The following DPP6 variants were observed in gnomAD, a reference collection of about 807,000 sequenced individuals.
DPP6 encodes A-type potassium channel modulatory protein DPP6.
A neutral mutation model predicts 122.6 loss-of-function variants in DPP6; 69 were observed. The observed-to-expected ratio is 0.56, with a 90% CI of 0.46 to 0.69. The LOEUF is 0.69. DPP6 is among the 30% of genes least tolerant of loss of function. DPP6 has a pLI of 0.00. For missense variants in DPP6, 928 were observed against 1,116.9 expected, an observed-to-expected ratio of 0.83 and a Z score of 2.41; for synonymous variants, 418 against 433.1, an observed-to-expected ratio of 0.97 and a Z score of 0.43.
the DPP6 span, among the ~76,000 whole-genome samples, chr7:153,751,778 C>T: frequency 1.3e-5 from 2 of 151,098 alleles, no homozygotes; most frequent in Non-Finnish European, 2.9e-5. Flanking sequence ...AGTAAGGACA[C>T]CCAGTTGAGT....
intron 12 of DPP6, among the ~76,000 whole-genome samples, chr7:154,800,874 A>G (rs542392384): frequency 1.3e-5 from 2 of 152,378 alleles, no homozygotes; most frequent in East Asian, 3.9e-4. Flanking sequence ...TTGAAAGAAT[A>G]GATTTTGCTT....
intron 1 of DPP6, among the ~76,000 whole-genome samples, chr7:153,994,271 A>G (rs925487231): frequency 1.3e-5 from 2 of 151,750 alleles, no homozygotes; most frequent in Non-Finnish European, 2.9e-5. Context: ...CTCTCAAACC[A>G]TACCACGTAA....
At chr7:154,564,343 C>T (rs1055805599) in intron 4 of DPP6, among the ~76,000 whole-genome samples, 6 of 151,916 alleles carry the variant, frequency 3.9e-5, no homozygotes, top group South Asian at 2.1e-4. Flanking sequence ...TTGTCTAAAA[C>T]GTGGATAGTA....
chr7:154,383,641 G>A (rs1813823826), intron 1 of DPP6, among the ~76,000 whole-genome samples: 2 of 152,144 alleles, frequency 1.3e-5, no homozygotes, highest in Non-Finnish European at 2.9e-5. Flanking sequence ...TGTAATCCCA[G>A]CATTTTGGGA....
the DPP6 span, among the ~76,000 whole-genome samples, chr7:153,869,618 T>A: frequency 6.6e-6 from 1 of 152,202 alleles, no homozygotes; most frequent in East Asian, 1.9e-4. Context: ...TGCTAGTCTG[T>A]GTCTTTTAAT....
intron 1 of DPP6, among the ~76,000 whole-genome samples, chr7:154,394,952 G>A (rs1814953218): frequency 6.6e-6 from 1 of 152,198 alleles, no homozygotes; most frequent in South Asian, 2.1e-4. Flanking sequence ...GATAGAGATG[G>A]TGTTGAGTCT....
At chr7:154,203,089 T>G in intron 1 of DPP6, among the ~76,000 whole-genome samples, 1 of 152,184 alleles carries the variant, frequency 6.6e-6, no homozygotes, top group East Asian at 1.9e-4. Context: ...AAATTAAGAT[T>G]TTCCCACTCA....
intron 1 of DPP6, among the ~76,000 whole-genome samples, chr7:154,417,153 A>C (rs776432312): frequency 5.3e-5 from 8 of 152,322 alleles, no homozygotes; most frequent in Non-Finnish European, 8.8e-5. Flanking sequence ...TGTCTGGGCT[A>C]CTTGACTTTC....
chr7:154,258,947 A>G (rs1051519264), intron 1 of DPP6, among the ~76,000 whole-genome samples: 1 of 152,182 alleles, frequency 6.6e-6, no homozygotes, highest in African/African-American at 2.4e-5. Flanking sequence ...ACCTTGAAAA[A>G]AGCCCCAGAG....
chr7:153,810,061 GT>G, the DPP6 span, among the ~76,000 whole-genome samples: 1 of 152,244 alleles, frequency 6.6e-6, no homozygotes, highest in African/African-American at 2.4e-5. Flanking sequence ...TCAGGTCACT[GT>G]TTTGACAACA....
At chr7:154,678,597 G>T (rs58163911) in intron 7 of DPP6, among the ~76,000 whole-genome samples, 86 of 152,260 alleles carry the variant, frequency 5.6e-4, no homozygotes, top group African/African-American at 1.9e-3. Flanking sequence ...AACACTCACC[G>T]CGAGGGTCTG....
At chr7:154,470,162 C>G (rs1038632559) in intron 2 of DPP6, among the ~76,000 whole-genome samples, 3 of 152,190 alleles carry the variant, frequency 2.0e-5, no homozygotes, top group Admixed American at 2.0e-4. Context: ...CCTCCATAAC[C>G]CTTGTCTCCT....
At chr7:154,677,395 T>A (rs1415661150) in intron 7 of DPP6, among the ~76,000 whole-genome samples, 1 of 152,204 alleles carries the variant, frequency 6.6e-6, no homozygotes, top group Non-Finnish European at 1.5e-5. Flanking sequence ...TGAGGGGTTT[T>A]TTTTGCACTC....
chr7:154,580,084 C>T (rs775594073), intron 5 of DPP6, among the ~76,000 whole-genome samples: 12 of 151,670 alleles, frequency 7.9e-5, no homozygotes, highest in Non-Finnish European at 1.5e-4. Flanking sequence ...TAGGATGTAG[C>T]GGTGAATAAC....
At chr7:154,472,456 GAATC>G (rs55827958) in intron 2 of DPP6, among the ~76,000 whole-genome samples, 104,068 of 151,414 alleles carry the variant, frequency 0.69, 37,321 homozygotes, top group Non-Finnish European at 0.8. Flanking sequence ...AGTCCTCCTG[GAATC>G]AATCCCTCCC....
Position 154,180,721 on chromosome 7 carries a change from T to TA in DPP6, c.243+127665dup, listed in dbSNP as rs574908171. Reference sequence around the variant, plus strand: ...TATTCTAGGAATGACAATCTTTTTTTAAAAAAATTCTTGCTAGGAAGAAGT... The same window carrying TA: ...TATTCTAGGAATGACAATCTTTTTTTAAAAAAAATTCTTGCTAGGAAGAAGT... On this transcript the variant is annotated intron_variant, in intron 1 of 25. Transcript: ENST00000377770. Among the ~76,000 whole-genome samples, 67 of 152,016 alleles carry TA rather than the reference T, an allele frequency of 4.4e-4. 1 individual carries two copies. Among genetic ancestry groups the TA allele is most frequent in the African/African-American group, 1.5e-3 (61 of 41,502 alleles).
intron 1 of DPP6, among the ~76,000 whole-genome samples, chr7:154,087,034 A>C (rs1213290104): frequency 2.6e-5 from 4 of 152,144 alleles, no homozygotes; most frequent in Non-Finnish European, 5.9e-5. Flanking sequence ...GGCTGCTGAG[A>C]ATGAGGTGCA....
intron 3 of DPP6, among the ~76,000 whole-genome samples, chr7:154,536,832 G>A (rs1440086793): frequency 6.6e-6 from 1 of 152,150 alleles, no homozygotes; most frequent in Non-Finnish European, 1.5e-5. Flanking sequence ...ATCTTATAGA[G>A]CGAATAATGA....
chr7:154,813,568 G>A (rs1290861272), intron 16 of DPP6, among the ~76,000 whole-genome samples: 3 of 152,022 alleles, frequency 2.0e-5, no homozygotes, highest in Admixed American at 6.6e-5. Flanking sequence ...TAAAGGACAT[G>A]GGTTTCAGAT....
Sources: allele counts gnomAD v4.1 joint callset (sites outside exome capture counted in the v4.1 genomes callset), GRCh38; gene constraint gnomAD v4.1.1; transcripts MANE v1.5; gene names NCBI Gene and HGNC (gene_info 2026-07-23, HGNC 2026-07-21).